AKAP6: variants seen among roughly 807,000 people sequenced by gnomAD.
AKAP6 encodes the protein A-kinase anchor protein 6.
A neutral mutation model predicts 188.5 loss-of-function variants in AKAP6; 58 were observed. That is an observed-to-expected ratio of 0.31 (90% CI 0.25 to 0.38). AKAP6 has a LOEUF of 0.38. Ranked by LOEUF, AKAP6 falls within the 10% of genes least tolerant of loss-of-function variation. The probability of loss-of-function intolerance (pLI) is 1.00; values close to 1 mark genes in which losing one functional copy is unlikely to be tolerated. For synonymous variants in AKAP6, 989 were observed against 998.6 expected (o/e 0.99, Z 0.18); for missense variants, 2,710 against 2,740.0 (o/e 0.99, Z 0.24).
chr14:32,656,279 A>G (rs754603887), intron 7 of AKAP6, among the ~76,000 whole-genome samples: 8 of 152,110 alleles, frequency 5.3e-5, no homozygotes, highest in Non-Finnish European at 1.0e-4. Context: ...ATCAAAGGTG[A>G]CTCTATTTAA....
chr14:32,631,078 T>C (rs1887249233), intron 7 of AKAP6, among the ~76,000 whole-genome samples: 1 of 152,092 alleles, frequency 6.6e-6, no homozygotes, highest in Admixed American at 6.6e-5. Flanking sequence ...CATATTTTTA[T>C]TAAGAAATAT....
intron 7 of AKAP6, among the ~76,000 whole-genome samples, chr14:32,677,006 A>T (rs1262061177): frequency 1.3e-5 from 2 of 152,002 alleles, no homozygotes; most frequent in African/African-American, 4.8e-5. Context: ...TTGTATTTTT[A>T]GTAGAGACGG....
intron 2 of AKAP6, among the ~76,000 whole-genome samples, chr14:32,449,901 T>A (rs745837346): frequency 6.6e-6 from 1 of 152,190 alleles, no homozygotes; most frequent in Non-Finnish European, 1.5e-5. Flanking sequence ...AATAAAAGCT[T>A]GATGCCTCTT....
intron 12 of AKAP6, among the ~76,000 whole-genome samples, chr14:32,790,189 A>G (rs778581981): frequency 6.6e-6 from 1 of 152,224 alleles, no homozygotes; most frequent in Admixed American, 6.5e-5. Flanking sequence ...ACAAAAAGGA[A>G]TGAACAAAAC....
intron 8 of AKAP6, among the ~76,000 whole-genome samples, chr14:32,682,564 AG>A (rs772993593): frequency 6.6e-6 from 1 of 152,336 alleles, no homozygotes; most frequent in East Asian, 1.9e-4. Flanking sequence ...GCTGTTTCAT[AG>A]GACTGAAGAG....
chr14:32,453,406 A>G (rs917704338), intron 2 of AKAP6, among the ~76,000 whole-genome samples: 1 of 152,086 alleles, frequency 6.6e-6, no homozygotes, highest in Non-Finnish European at 1.5e-5. Flanking sequence ...TCTATCCCTC[A>G]GATGAAAATT....
At chr14:32,536,461 C>G (rs867557044) in intron 3 of AKAP6, among the ~76,000 whole-genome samples, 1 of 152,010 alleles carries the variant, frequency 6.6e-6, no homozygotes, top group African/African-American at 2.4e-5. Context: ...AACCAGGAGG[C>G]GGGATTTGGG....
chr14:32,640,592 G>T (rs188759652), intron 7 of AKAP6, among the ~76,000 whole-genome samples: 1 of 152,164 alleles, frequency 6.6e-6, no homozygotes, highest in African/African-American at 2.4e-5. Context: ...CTTAAAATAA[G>T]CCAGTTATTC....
At position 32,495,653 on chromosome 14, in the gene AKAP6, T is replaced by C. The variant is rs548034841; in HGVS notation, c.325-39901T>C. ...GCATTCACACAAAGTGCGACTTATC[T>C]GGCGCGTGGTAAAATGCATCTTTAA... On this transcript the variant is annotated intron_variant, in intron 2 of 13. Coordinates refer to ENST00000280979, the MANE Select transcript of AKAP6 (RefSeq NM_004274.5). 2.3e-4 allele frequency among the ~76,000 whole-genome samples: 35 copies of C among 152,324 alleles called. No homozygotes were observed. In the South Asian group the frequency reaches 3.7e-3, roughly 16 times the overall value.
At chr14:32,648,371 G>A (rs1387300124) in intron 7 of AKAP6, among the ~76,000 whole-genome samples, 1 of 152,080 alleles carries the variant, frequency 6.6e-6, no homozygotes, top group Admixed American at 6.6e-5. Context: ...GCACTATGTT[G>A]TTAATAATAG....
intron 2 of AKAP6, among the ~76,000 whole-genome samples, chr14:32,453,556 A>C (rs943391232): frequency 1.4e-5 from 2 of 144,186 alleles, no homozygotes; most frequent in Admixed American, 7.1e-5. Context: ...TCCTGTGGAG[A>C]TAATAGAATT....
intron 7 of AKAP6, among the ~76,000 whole-genome samples, chr14:32,639,351 GC>G (rs1887659537): frequency 6.6e-6 from 1 of 152,106 alleles, no homozygotes; most frequent in Admixed American, 6.6e-5. Flanking sequence ...GGATGCTATA[GC>G]CATCTTCATC....
At chr14:32,451,174 A>G (rs1345958301) in intron 2 of AKAP6, among the ~76,000 whole-genome samples, 1 of 152,230 alleles carries the variant, frequency 6.6e-6, no homozygotes, top group Non-Finnish European at 1.5e-5. Context: ...TAAATTTTAT[A>G]CTGGCTGGTA....
In AKAP6 at chr14:32,545,786, A is replaced by G. The variant is rs376338620; in HGVS notation, c.1133A>G (p.Asn378Ser). The G allele has an allele frequency of 6.2e-7, 1 of 1,614,096 alleles. No homozygotes were observed. The highest frequency in any genetic ancestry group is 8.5e-7 in the Non-Finnish European group (1 of 1,180,040). Residue 378 changes from asparagine (N) to serine (S), a missense_variant, in exon 4 of 14, where the codon AAT becomes AGT. This residue lies in a region of AKAP6 where 2,473 missense variants were observed against 2,426.1 expected (regional missense o/e 1.02). Transcript: ENST00000280979. ...AAACGAACCATCAGAGATTGCTTTAATTATAACGAGGACTCTCCCACGCAG... is the reference window on the plus strand; with the variant it reads ...AAACGAACCATCAGAGATTGCTTTAGTTATAACGAGGACTCTCCCACGCAG... ...TPKRTIRDCFNYNEDSPTQPT... is the reference protein window; with the variant it reads ...TPKRTIRDCFSYNEDSPTQPT...
chr14:32,421,346 T>TTAC, intron 1 of AKAP6, among the ~76,000 whole-genome samples: 1 of 151,708 alleles, frequency 6.6e-6, no homozygotes, highest in South Asian at 2.1e-4. Context: ...ACTAATTATC[T>TTAC]CTCCTAATTT....
In AKAP6 at chr14:32,821,923, A is replaced by C; in HGVS notation, c.4110A>C (p.Gly1370=). ...GTGAGAGTGGAATTGTCAGTGAAGG[A>C]GACACAGAAACCACTACCAACTCTG... The part of the protein sequence containing the change: ...SGSESGIVSE[G]DTETTTNSEM... The change falls in exon 13 of 14, where the codon GGA becomes GGC. Residue 1370 remains glycine, a synonymous_variant. Coordinates refer to ENST00000280979, the MANE Select transcript of AKAP6 (RefSeq NM_004274.5). 1 of 1,613,982 alleles carries C rather than the reference A, an allele frequency of 6.2e-7. No individual in the cohort carries two copies. Among genetic ancestry groups the C allele is most frequent in the Non-Finnish European group, 8.5e-7 (1 of 1,179,940 alleles).
intron 8 of AKAP6, among the ~76,000 whole-genome samples, chr14:32,692,471 C>T (rs1007569177): frequency 1.2e-4 from 19 of 152,110 alleles, no homozygotes; most frequent in African/African-American, 4.6e-4. Flanking sequence ...GATTTAACAT[C>T]TACTACATAT....
At chr14:32,625,987 G>A (rs555145031) in intron 7 of AKAP6, among the ~76,000 whole-genome samples, 1 of 152,052 alleles carries the variant, frequency 6.6e-6, no homozygotes, top group South Asian at 2.1e-4. Flanking sequence ...GTCTAACTTG[G>A]GTTCTTACCA....
intron 7 of AKAP6, among the ~76,000 whole-genome samples, chr14:32,668,186 GT>G (rs1361708441): frequency 6.6e-6 from 1 of 152,062 alleles, no homozygotes; most frequent in African/African-American, 2.4e-5. Context: ...AGTCCACACA[GT>G]ATATTTGCAC....
Sources: allele counts gnomAD v4.1 joint callset (sites outside exome capture counted in the v4.1 genomes callset), GRCh38; gene constraint gnomAD v4.1.1; regional missense constraint gnomAD v4.1.1; transcripts MANE v1.5; gene names NCBI Gene and HGNC (gene_info 2026-07-23, HGNC 2026-07-21).